LINGO1: variants seen among roughly 807,000 people sequenced by gnomAD.
The protein encoded by LINGO1 is leucine rich repeat and Ig domain containing 1, also known as leucine-rich repeat and immunoglobulin-like domain-containing nogo receptor-interacting protein 1.
A neutral mutation model predicts 37.3 loss-of-function variants in LINGO1; 11 were observed. The observed-to-expected ratio is 0.29, with a 90% CI of 0.19 to 0.49. LINGO1 has a LOEUF of 0.49. Among genes scored for constraint, LINGO1 ranks in the 20% least tolerant of loss-of-function variants. LINGO1 has a pLI of 0.99. For synonymous variants in LINGO1, 387 were observed against 403.0 expected, an observed-to-expected ratio of 0.96 and a Z score of 0.48; for missense variants, 585 against 878.2, an observed-to-expected ratio of 0.67 and a Z score of 4.22.
chr15:77,755,073 A>G (rs1371757685), intron 1 of LINGO1, among the ~76,000 whole-genome samples: 1 of 151,994 alleles, frequency 6.6e-6, no homozygotes, highest in East Asian at 1.9e-4. Context: ...TGGATGCACA[A>G]CTCCCTTGAG....
chr15:77,743,484 C>T (rs898656529), intron 1 of LINGO1, among the ~76,000 whole-genome samples: 1 of 152,160 alleles, frequency 6.6e-6, no homozygotes, highest in East Asian at 1.9e-4. Flanking sequence ...ACCTTAAAGA[C>T]AGGTAGGCTG....
chr15:77,733,859 C>T (rs2076176932), intron 2 of LINGO1, among the ~76,000 whole-genome samples: 1 of 148,740 alleles, frequency 6.7e-6, no homozygotes, highest in Admixed American at 6.6e-5. Context: ...CCGAGGGCTG[C>T]ACTTCTCCGA....
intron 1 of LINGO1, among the ~76,000 whole-genome samples, chr15:77,616,907 C>T (rs765090647): frequency 5.9e-5 from 9 of 152,146 alleles, no homozygotes; most frequent in Non-Finnish European, 1.2e-4. Context: ...TTAAAAAGAC[C>T]CTCCAGCCGT....
At chr15:77,776,841 A>G (rs1331301088) in intron 1 of LINGO1, among the ~76,000 whole-genome samples, 1 of 152,218 alleles carries the variant, frequency 6.6e-6, no homozygotes, top group Non-Finnish European at 1.5e-5. Flanking sequence ...AAGCCTCATT[A>G]GACCCCATGA....
chr15:77,706,408 T>C (rs897034081), intron 2 of LINGO1, among the ~76,000 whole-genome samples: 14 of 152,194 alleles, frequency 9.2e-5, no homozygotes, highest in Admixed American at 1.3e-4. Context: ...TTAGGTCCCT[T>C]CCCTGCTTAA....
intron 1 of LINGO1, among the ~76,000 whole-genome samples, chr15:77,747,784 G>A (rs541734114): frequency 1.3e-5 from 2 of 152,348 alleles, no homozygotes; most frequent in South Asian, 4.1e-4. Flanking sequence ...ACATCGTTCC[G>A]CTGGGGTTCG....
chr15:77,773,561 C>T (rs2076606792), intron 1 of LINGO1, among the ~76,000 whole-genome samples: 1 of 152,074 alleles, frequency 6.6e-6, no homozygotes, highest in Non-Finnish European at 1.5e-5. Flanking sequence ...GCCCCGGAGT[C>T]CAGCCCCAGC....
intron 3 of LINGO1, chr15:77,648,232 T>A: frequency 3.3e-6 from 1 of 303,746 alleles, no homozygotes. Flanking sequence ...ACCGGCTGCG[T>A]TCCAGGCACT....
chr15:77,678,654 GT>G (rs1296916845), intron 2 of LINGO1, among the ~76,000 whole-genome samples: 3 of 152,184 alleles, frequency 2.0e-5, no homozygotes, highest in East Asian at 3.8e-4. Context: ...GTGAATGTAA[GT>G]TTTTATTTCT....
intron 1 of LINGO1, among the ~76,000 whole-genome samples, chr15:77,740,782 G>A (rs1209788307): frequency 6.6e-6 from 1 of 152,166 alleles, no homozygotes; most frequent in Non-Finnish European, 1.5e-5. Context: ...TGCAGAGGTG[G>A]GCACCTAAAG....
chr15:77,694,590 C>G (rs2075658499), intron 1 of LINGO1, among the ~76,000 whole-genome samples: 1 of 152,328 alleles, frequency 6.6e-6, no homozygotes, highest in South Asian at 2.1e-4. Flanking sequence ...TGCCCCAAAA[C>G]TTGAGAGGGG....
chr15:77,815,139 A>G (rs916256296), intron 1 of LINGO1, among the ~76,000 whole-genome samples: 3 of 152,142 alleles, frequency 2.0e-5, no homozygotes, highest in African/African-American at 4.8e-5. Flanking sequence ...GCCCACATAG[A>G]TCCAGAAGAC....
chr15:77,820,711 C>G (rs2077089477), upstream of LINGO1: 1 of 152,326 alleles, frequency 6.6e-6, no homozygotes, highest in African/African-American at 2.4e-5. Flanking sequence ...ATGCCCAGCT[C>G]TGATATGGTG....
intron 1 of LINGO1, among the ~76,000 whole-genome samples, chr15:77,752,278 G>A (rs1270079238): frequency 6.6e-6 from 1 of 152,218 alleles, no homozygotes. Flanking sequence ...CCACCACTCA[G>A]CCAGCGACAG....
chr15:77,682,092 T>C (rs942818254), intron 2 of LINGO1, among the ~76,000 whole-genome samples: 23 of 151,926 alleles, frequency 1.5e-4, no homozygotes, highest in African/African-American at 3.4e-4. Context: ...AGTGGTGAGG[T>C]TGGAAATGAA....
upstream of LINGO1, among the ~76,000 whole-genome samples, chr15:77,639,198 A>T (rs1036517811): frequency 6.6e-6 from 1 of 152,090 alleles, no homozygotes; most frequent in African/African-American, 2.4e-5. Context: ...AGAGGCCCTG[A>T]GCTAGAGGTA....
intron 1 of LINGO1, among the ~76,000 whole-genome samples, chr15:77,749,880 G>A (rs1466192977): frequency 3.9e-5 from 6 of 152,166 alleles, no homozygotes; most frequent in African/African-American, 1.2e-4. Flanking sequence ...GTGCGGAACC[G>A]GACTTTCTGG....
chr15:77,641,361 T>C (rs2074501611), intron 3 of LINGO1, among the ~76,000 whole-genome samples: 1 of 152,178 alleles, frequency 6.6e-6, no homozygotes, highest in Non-Finnish European at 1.5e-5. Context: ...CATGTAATTA[T>C]GTGCAAAAAC....
At chr15:77,658,584 AGAGG>A (rs1297776159) in intron 3 of LINGO1, among the ~76,000 whole-genome samples, 1 of 152,266 alleles carries the variant, frequency 6.6e-6, no homozygotes, top group Non-Finnish European at 1.5e-5. Flanking sequence ...AACAAAAGAA[AGAGG>A]AAGAAAAGAA....
Sources: gnomAD v4.1 joint callset for allele counts (sites outside exome capture counted in the v4.1 genomes callset) on GRCh38, gnomAD v4.1.1 for gene constraint, MANE v1.5 for transcripts, NCBI Gene and HGNC (gene_info 2026-07-23, HGNC 2026-07-21) for gene names.